Variants in ADARB2 observed in about 807,000 individuals in gnomAD.
ADARB2 encodes the protein adenosine deaminase RNA specific B2 (inactive).
A neutral mutation model predicts 62.2 loss-of-function variants in ADARB2; 25 were observed. The observed-to-expected ratio is 0.40, with a 90% CI of 0.29 to 0.56. The LOEUF (loss-of-function observed/expected upper bound fraction) is 0.56, where lower values mean the gene tolerates loss of function less well. Among genes scored for constraint, ADARB2 ranks in the 20% least tolerant of loss-of-function variants. The pLI, the probability that ADARB2 is intolerant of heterozygous loss-of-function variation, is 0.43. For synonymous variants in ADARB2, 572 were observed against 500.8 expected, an observed-to-expected ratio of 1.14 and a Z score of -1.90; for missense variants, 1,071 against 1,077.4, an observed-to-expected ratio of 0.99 and a Z score of 0.08.
At chr10:1,532,548 C>T (rs1832259485) in intron 1 of ADARB2, among the ~76,000 whole-genome samples, 1 of 152,102 alleles carries the variant, frequency 6.6e-6, no homozygotes, top group African/African-American at 2.4e-5. Flanking sequence ...AGGTGCGATT[C>T]CCTGTGGAGT....
intron 1 of ADARB2, among the ~76,000 whole-genome samples, chr10:1,499,711 AT>A (rs1382314492): frequency 6.6e-6 from 1 of 151,268 alleles, no homozygotes; most frequent in East Asian, 2.0e-4. Context: ...CTCATAATTC[AT>A]TCATCACTCA....
At chr10:1,346,938 A>T (rs746763066) in intron 3 of ADARB2, among the ~76,000 whole-genome samples, 2 of 152,268 alleles carry the variant, frequency 1.3e-5, no homozygotes, top group African/African-American at 4.8e-5. Context: ...CTGCTCTTCA[A>T]ATGTTACCAA....
At chr10:1,734,693 CT>C (rs1267777785) in intron 1 of ADARB2, among the ~76,000 whole-genome samples, 1 of 152,222 alleles carries the variant, frequency 6.6e-6, no homozygotes. Context: ...TTACCTTGTG[CT>C]TCTGTCAGTG....
At chr10:1,425,870 C>T (rs907906044) in intron 1 of ADARB2, among the ~76,000 whole-genome samples, 3 of 152,166 alleles carry the variant, frequency 2.0e-5, no homozygotes, top group African/African-American at 4.8e-5. Context: ...TGACTCCTCA[C>T]GAAAGCCACA....
At chr10:1,724,254 C>T (rs1280977317) in intron 1 of ADARB2, among the ~76,000 whole-genome samples, 1 of 152,188 alleles carries the variant, frequency 6.6e-6, no homozygotes, top group Non-Finnish European at 1.5e-5. Flanking sequence ...TTCAGCTGCA[C>T]CCATCTCTGC....
chr10:1,497,416 G>A (rs560017845), intron 1 of ADARB2, among the ~76,000 whole-genome samples: 12 of 152,088 alleles, frequency 7.9e-5, no homozygotes, highest in Non-Finnish European at 1.6e-4. Flanking sequence ...TTCTAAATAA[G>A]TTTGTGGAAA....
intron 1 of ADARB2, among the ~76,000 whole-genome samples, chr10:1,581,017 C>G (rs1032892973): frequency 4.6e-5 from 7 of 152,202 alleles, no homozygotes. Flanking sequence ...TGAATAAAGC[C>G]GCTATAAGCA....
At chr10:1,662,724 C>T (rs542620417) in intron 1 of ADARB2, among the ~76,000 whole-genome samples, 63 of 152,288 alleles carry the variant, frequency 4.1e-4, no homozygotes, top group Admixed American at 8.5e-4. Context: ...GGGAGGAGTC[C>T]GCAGGCTCCG....
intron 1 of ADARB2, among the ~76,000 whole-genome samples, chr10:1,547,046 C>CGAGAGT (rs1832531261): frequency 6.6e-6 from 1 of 152,070 alleles, no homozygotes; most frequent in African/African-American, 2.4e-5. Flanking sequence ...TCGTCGAGAG[C>CGAGAGT]GGGACGCGGG....
chr10:1,681,360 T>C (rs992895532), intron 1 of ADARB2, among the ~76,000 whole-genome samples: 5 of 152,214 alleles, frequency 3.3e-5, no homozygotes, highest in African/African-American at 1.2e-4. Context: ...AATGTCCTTT[T>C]TCCCAACAAC....
In ADARB2 at chr10:1,730,667, C is replaced by CTT. The variant is rs35579346; in HGVS notation, c.100+6382_100+6383dup. ...GAACTTAAGCACACATGTTACTCTT[C>CTT]TTTTTTTATAGGAATGCATGATTTA... On this transcript the variant is annotated intron_variant, in intron 1 of 9. Coordinates refer to ENST00000381312, the MANE Select transcript of ADARB2 (RefSeq NM_018702.4). Among the ~76,000 whole-genome samples the CTT allele has an allele frequency of 9.9e-5, 15 of 151,992 alleles. 1 individual carries two copies. The highest frequency in any genetic ancestry group is 8.3e-4 in the South Asian group (4 of 4,802).
rs1004531808 is a variant in ADARB2 at position 1,662,413 on chromosome 10, A to T, written c.100+74638T>A. Among the ~76,000 whole-genome samples, 43 of 152,162 alleles carry T rather than the reference A, an allele frequency of 2.8e-4. 1 individual carries two copies. The highest frequency in any genetic ancestry group is 1.0e-3 in the African/African-American group (42 of 41,536). Reference sequence around the variant, plus strand: ...TCGGAGCCCCCTGCAGAGCTTCCCCATGGACCCCTTCCCCCACCCAGAGCC... The same window carrying T: ...TCGGAGCCCCCTGCAGAGCTTCCCCTTGGACCCCTTCCCCCACCCAGAGCC... On this transcript the variant is annotated intron_variant, in intron 1 of 9. Coordinates refer to ENST00000381312, the MANE Select transcript of ADARB2 (RefSeq NM_018702.4).
intron 8 of ADARB2, among the ~76,000 whole-genome samples, chr10:1,199,166 C>G (rs1455633132): frequency 2.6e-5 from 4 of 152,150 alleles, no homozygotes; most frequent in Non-Finnish European, 5.9e-5. Flanking sequence ...ACTCAAAGAC[C>G]TGGTGTTCTG....
At chr10:1,382,096 A>G (rs1368294959) in intron 1 of ADARB2, among the ~76,000 whole-genome samples, 1 of 152,234 alleles carries the variant, frequency 6.6e-6, no homozygotes, top group Non-Finnish European at 1.5e-5. Flanking sequence ...CGCATTGTAC[A>G]CCTTGAATAT....
chr10:1,531,605 C>T lies in ADARB2; in HGVS notation c.101-152445G>A, dbSNP rs558396492. 3.9e-5 allele frequency among the ~76,000 whole-genome samples: 6 copies of T among 152,210 alleles called. No homozygotes were observed. In the South Asian group the frequency reaches 6.2e-4, roughly 16 times the overall value. ...CTGTAATCCTAGCACTTTGGGAGGC[C>T]GAGTGGGTGGATCACAAGGTTTGGA... On this transcript the variant is annotated intron_variant, in intron 1 of 9. Transcript: ENST00000381312.
At chr10:1,524,290 TG>T (rs1832112914) in intron 1 of ADARB2, among the ~76,000 whole-genome samples, 1 of 152,226 alleles carries the variant, frequency 6.6e-6, no homozygotes, top group Non-Finnish European at 1.5e-5. Context: ...TTGATGCCTA[TG>T]GAATCACCAC....
intron 3 of ADARB2, among the ~76,000 whole-genome samples, chr10:1,317,830 G>A (rs1010794435): frequency 1.3e-5 from 2 of 152,106 alleles, no homozygotes; most frequent in Admixed American, 6.6e-5. Flanking sequence ...CCAGCTTGTA[G>A]GGGTGGCTGG....
chr10:1,264,920 AAT>A (rs1458644671), intron 4 of ADARB2, among the ~76,000 whole-genome samples: 1 of 152,266 alleles, frequency 6.6e-6, no homozygotes, highest in African/African-American at 2.4e-5. Flanking sequence ...ATATTTTCAG[AAT>A]ATGTTTTGTA....
intron 3 of ADARB2, chr10:1,290,047 ATTAG>A (rs752110956): frequency 2.6e-5 from 4 of 152,242 alleles, no homozygotes; most frequent in Non-Finnish European, 5.9e-5. Context: ...ATCCGACATA[ATTAG>A]TTACAGTAAA....
Sources: allele counts gnomAD v4.1 joint callset (sites outside exome capture counted in the v4.1 genomes callset), GRCh38; gene constraint gnomAD v4.1.1; transcripts MANE v1.5; gene names NCBI Gene and HGNC (gene_info 2026-07-23, HGNC 2026-07-21).